ANO3: variants seen among roughly 807,000 people sequenced by gnomAD.
ANO3 encodes anoctamin 3.
In ANO3, 99 loss-of-function variants were observed where a neutral mutation model predicts 144.8. That is an observed-to-expected ratio of 0.68 (90% CI 0.58 to 0.81). The LOEUF (loss-of-function observed/expected upper bound fraction) is 0.81, where lower values mean the gene tolerates loss of function less well. Among genes scored for constraint, ANO3 ranks in the 30% least tolerant of loss-of-function variants. ANO3 has a pLI of 0.00. For missense variants in ANO3, 905 were observed against 1,202.2 expected (o/e 0.75, Z 3.66); for synonymous variants, 414 against 392.6 (o/e 1.05, Z -0.64).
chr11:26,296,831 A>C (rs2133858966), intron 1 of ANO3, among the ~76,000 whole-genome samples: 1 of 152,302 alleles, frequency 6.6e-6, no homozygotes, highest in Middle Eastern at 3.4e-3. Flanking sequence ...AAATATGATT[A>C]GCTTCCAAGC....
intron 4 of ANO3, among the ~76,000 whole-genome samples, chr11:26,478,872 C>T (rs947077938): frequency 2.0e-5 from 3 of 152,166 alleles, no homozygotes; most frequent in African/African-American, 7.2e-5. Flanking sequence ...TTGCTTCTGT[C>T]TTCAGGCTAT....
intron 1 of ANO3, among the ~76,000 whole-genome samples, chr11:26,210,556 C>A (rs1851910608): frequency 6.6e-6 from 1 of 152,128 alleles, no homozygotes. Flanking sequence ...AGCATTGAAT[C>A]TGTAAATTAC....
At chr11:26,311,238 A>C (rs1486079623) in intron 1 of ANO3, among the ~76,000 whole-genome samples, 2 of 152,112 alleles carry the variant, frequency 1.3e-5, no homozygotes, top group Non-Finnish European at 2.9e-5. Context: ...TATTGTGTGG[A>C]TTTATTGACT....
chr11:26,315,666 T>TATCTATCTATCTATCC (rs1854607129), intron 1 of ANO3, among the ~76,000 whole-genome samples: 1 of 144,910 alleles, frequency 6.9e-6, no homozygotes, highest in African/African-American at 2.6e-5. Flanking sequence ...TCTGTCTATC[T>TATCTATCTATCTATCC]ATCTATCTAT....
chr11:26,642,173 G>T, intron 22 of ANO3, 144 bp downstream of exon 22: 1 of 836,096 alleles, frequency 1.2e-6, no homozygotes, highest in East Asian at 2.7e-5. Flanking sequence ...TCATCTCAAG[G>T]AGCTAGAGAT....
intron 1 of ANO3, among the ~76,000 whole-genome samples, chr11:26,214,917 G>T (rs980143790): frequency 6.6e-6 from 1 of 151,820 alleles, no homozygotes; most frequent in Admixed American, 6.6e-5. Context: ...TTGAGTACAG[G>T]TCAAGTATTT....
intron 1 of ANO3, among the ~76,000 whole-genome samples, chr11:26,247,097 C>G (rs2133816291): frequency 6.6e-6 from 1 of 152,114 alleles, no homozygotes; most frequent in East Asian, 1.9e-4. Flanking sequence ...TAATGTTGTT[C>G]AATTTAAAAA....
chr11:26,534,692 C>T (rs1483559058), intron 9 of ANO3, 130 bp downstream of exon 9: 3 of 494,804 alleles, frequency 6.1e-6, no homozygotes, highest in Non-Finnish European at 6.9e-6. Flanking sequence ...TGAACACACA[C>T]TCTATAAGCA....
intron 1 of ANO3, among the ~76,000 whole-genome samples, chr11:26,377,472 C>T (rs549080622): frequency 6.6e-6 from 1 of 151,782 alleles, no homozygotes; most frequent in African/African-American, 2.4e-5. Flanking sequence ...ATGAAGAGAC[C>T]AATGAGCTGG....
chr11:26,603,505 G>C, intron 17 of ANO3, among the ~76,000 whole-genome samples: 1 of 151,958 alleles, frequency 6.6e-6, no homozygotes, highest in Middle Eastern at 3.5e-3. Flanking sequence ...TATTAAAAAA[G>C]AGACCCCTTA....
chr11:26,453,809 A>G (rs901622052), intron 3 of ANO3, among the ~76,000 whole-genome samples: 3 of 152,164 alleles, frequency 2.0e-5, no homozygotes, highest in African/African-American at 4.8e-5. Flanking sequence ...ACCTATTCCA[A>G]AATTGACCAC....
intron 12 of ANO3, among the ~76,000 whole-genome samples, chr11:26,549,838 T>C (rs1849884596): frequency 6.6e-6 from 1 of 151,890 alleles, no homozygotes; most frequent in African/African-American, 2.4e-5. Context: ...TGGCCTATTA[T>C]TGCCTCTTCA....
At chr11:26,530,696 C>CA (rs891616196) in intron 7 of ANO3, among the ~76,000 whole-genome samples, 15 of 149,146 alleles carry the variant, frequency 1.0e-4, no homozygotes, top group South Asian at 8.6e-4. Context: ...TCGTCTCTAC[C>CA]AAAAAAAAAT....
chr11:26,217,402 C>T (rs1478139993), intron 1 of ANO3, among the ~76,000 whole-genome samples: 7 of 151,360 alleles, frequency 4.6e-5, no homozygotes, highest in African/African-American at 7.3e-5. Flanking sequence ...TGTAAATGTC[C>T]GTGTGTCTTG....
chr11:26,261,997 T>TG (rs1853200935), intron 1 of ANO3, among the ~76,000 whole-genome samples: 1 of 152,288 alleles, frequency 6.6e-6, no homozygotes, highest in South Asian at 2.1e-4. Context: ...TTAAGTAAAA[T>TG]GTTCAAATGT....
intron 1 of ANO3, among the ~76,000 whole-genome samples, chr11:26,380,311 T>C (rs1453479936): frequency 6.6e-6 from 1 of 152,244 alleles, no homozygotes. Context: ...TTCCCTACTG[T>C]CATTTCTTTG....
At chr11:26,588,517 A>G (rs1190389896) in intron 14 of ANO3, among the ~76,000 whole-genome samples, 1 of 152,226 alleles carries the variant, frequency 6.6e-6, no homozygotes, top group Non-Finnish European at 1.5e-5. Context: ...TATTTTCTGT[A>G]ATGCTATTAC....
chr11:26,513,041 G>A (rs1028634288), intron 5 of ANO3, among the ~76,000 whole-genome samples: 17 of 151,788 alleles, frequency 1.1e-4, no homozygotes, highest in Admixed American at 5.9e-4. Flanking sequence ...CATTTACAGA[G>A]CAAATGAAAG....
At chr11:26,405,956 T>C (rs1857266453) in intron 1 of ANO3, among the ~76,000 whole-genome samples, 1 of 151,864 alleles carries the variant, frequency 6.6e-6, no homozygotes, top group Non-Finnish European at 1.5e-5. Flanking sequence ...GCATTGTGTT[T>C]CCAGTGGTAT....
Sources: allele counts gnomAD v4.1 joint callset (sites outside exome capture counted in the v4.1 genomes callset), GRCh38; gene constraint gnomAD v4.1.1; transcripts MANE v1.5; gene names NCBI Gene and HGNC (gene_info 2026-07-23, HGNC 2026-07-21).